USP10: variants seen among roughly 807,000 people sequenced by gnomAD.
The protein encoded by USP10 is ubiquitin carboxyl-terminal hydrolase 10.
A neutral mutation model predicts 84.5 loss-of-function variants in USP10; 22 were observed. The ratio of observed to expected loss-of-function variants is 0.26; its 90% confidence interval spans 0.19 to 0.37. The LOEUF (loss-of-function observed/expected upper bound fraction) is 0.37, where lower values mean the gene tolerates loss of function less well. Ranked by LOEUF, USP10 falls within the 10% of genes least tolerant of loss-of-function variation. The pLI is 1.00. For missense variants in USP10, 1,019 were observed against 998.9 expected (o/e 1.02, Z -0.27); for synonymous variants, 454 against 387.6 (o/e 1.17, Z -2.01).
At chr16:84,754,520 G>A (rs929831599) in intron 4 of USP10, among the ~76,000 whole-genome samples, 15 of 152,166 alleles carry the variant, frequency 9.9e-5, no homozygotes, top group Admixed American at 2.0e-4. Flanking sequence ...GGTTGTGCTC[G>A]TTCGCTTTTG....
chr16:84,770,193 G>T (rs1914283559), intron 11 of USP10, among the ~76,000 whole-genome samples: 2 of 152,204 alleles, frequency 1.3e-5, no homozygotes, highest in Admixed American at 1.3e-4. Context: ...GCCGTTCTGG[G>T]TGCGTGGTTG....
intron 10 of USP10, among the ~76,000 whole-genome samples, chr16:84,766,279 G>A (rs774225463): frequency 6.6e-6 from 1 of 152,252 alleles, no homozygotes; most frequent in Non-Finnish European, 1.5e-5. Flanking sequence ...TCACTTCTGT[G>A]TTCTGCACTG....
At chr16:84,725,201 C>G (rs1271311942) in intron 1 of USP10, among the ~76,000 whole-genome samples, 2 of 152,152 alleles carry the variant, frequency 1.3e-5, no homozygotes, top group Non-Finnish European at 2.9e-5. Flanking sequence ...CCCGCTCCCC[C>G]ATTCTCCTCT....
intron 11 of USP10, among the ~76,000 whole-genome samples, chr16:84,770,855 CAA>C (rs1914373173): frequency 6.6e-6 from 1 of 150,586 alleles, no homozygotes; most frequent in Admixed American, 6.6e-5. Flanking sequence ...ATCACAAAGT[CAA>C]GAGATCGAGA....
chr16:84,717,112 G>A (rs995966303), intron 1 of USP10, among the ~76,000 whole-genome samples: 1 of 152,152 alleles, frequency 6.6e-6, no homozygotes, highest in Admixed American at 6.5e-5. Context: ...CCTGTGCGCT[G>A]TCTGAGCTCC....
chr16:84,716,776 AAG>A (rs1248369839), intron 1 of USP10, among the ~76,000 whole-genome samples: 3 of 152,188 alleles, frequency 2.0e-5, no homozygotes, highest in Non-Finnish European at 4.4e-5. Context: ...TTGAAGAGTG[AAG>A]ATTCTACCTT....
chr16:84,757,402 G>GGTGTGTGT (rs58812391), intron 4 of USP10, among the ~76,000 whole-genome samples: 6 of 82,798 alleles, frequency 7.2e-5, no homozygotes, highest in South Asian at 5.7e-4. Context: ...GAGGGGTGGG[G>GGTGTGTGT]GTGTGTGTGT....
At chr16:84,706,806 C>A (rs889384295) in intron 1 of USP10, among the ~76,000 whole-genome samples, 28 of 152,250 alleles carry the variant, frequency 1.8e-4, no homozygotes, top group African/African-American at 6.7e-4. Context: ...TCCCAGAGTG[C>A]TGGGATTACA....
intron 2 of USP10, among the ~76,000 whole-genome samples, chr16:84,737,181 A>G (rs1312521176): frequency 6.6e-6 from 1 of 152,210 alleles, no homozygotes; most frequent in African/African-American, 2.4e-5. Context: ...GCCCAGAGGG[A>G]GACTTCAGAA....
rs61760199 is a variant in USP10 at position 84,759,422 on chromosome 16, G to A, written c.1344G>A (p.Leu448=). The part of the protein sequence containing the change: ...PMYHLMKFIP[L]YSKVQRPCTS... ...ACCACCTGATGAAGTTCATTCCTCTGTATTCCAAAGTGCAAAGGCCTTGTA... is the reference window on the plus strand; with the variant it reads ...ACCACCTGATGAAGTTCATTCCTCTATATTCCAAAGTGCAAAGGCCTTGTA... Residue 448 remains leucine, a synonymous_variant, in exon 6 of 14, where the codon CTG becomes CTA. Coordinates refer to ENST00000219473, the MANE Select transcript of USP10 (RefSeq NM_005153.3). 5,027 of 1,613,982 alleles carry A rather than the reference G, an allele frequency of 3.1e-3. 13 individuals carry two copies. The highest frequency in any genetic ancestry group is 8.4e-3 in the Middle Eastern group (51 of 6,062).
rs905866592 is a variant in USP10 at position 84,740,328 on chromosome 16, C to G, written c.110C>G (p.Thr37Arg). ...GTGCAGCTTCCTCCATACAGTGGAA[C>G]AGTTCTGTGTGGCACACAGGCTGTG... is the stretch of plus-strand genomic sequence containing the variant. ...SSVELPPYSG[T>R]VLCGTQAVDK... is the part of the protein sequence containing the mutation. The change falls in exon 3 of 14, where the codon ACA becomes AGA. Residue 37 changes from threonine to arginine, a missense_variant. By Grantham distance (71) the Thr-to-Arg change is moderately conservative. This residue lies in a region of USP10 where 787 missense variants were observed against 708.8 expected (regional missense o/e 1.11). Coordinates refer to ENST00000219473, the MANE Select transcript of USP10 (RefSeq NM_005153.3). 4 of 1,612,642 alleles carry G rather than the reference C, an allele frequency of 2.5e-6. No homozygotes were observed. The highest frequency in any genetic ancestry group is 3.4e-6 in the Non-Finnish European group (4 of 1,179,134).
intron 4 of USP10, among the ~76,000 whole-genome samples, chr16:84,753,205 C>G (rs906318212): frequency 2.0e-5 from 3 of 152,100 alleles, no homozygotes; most frequent in African/African-American, 4.8e-5. Flanking sequence ...GATCTTGGAA[C>G]TCCTGGACTC....
chr16:84,764,419 T>TC, intron 10 of USP10, among the ~76,000 whole-genome samples, 156 bp downstream of exon 10: 1 of 152,312 alleles, frequency 6.6e-6, no homozygotes, highest in South Asian at 2.1e-4. Flanking sequence ...TCCTGATGCT[T>TC]CCCTTGTCAG....
At chr16:84,772,182 G>C (rs78729263) in intron 11 of USP10, among the ~76,000 whole-genome samples, 15,897 of 152,088 alleles carry the variant, frequency 0.1, 1,021 homozygotes, top group East Asian at 0.25. Context: ...CACCCAGGTA[G>C]CTGGGGTTAC....
chr16:84,728,020 T>A (rs576130368), intron 1 of USP10, among the ~76,000 whole-genome samples: 2 of 152,334 alleles, frequency 1.3e-5, no homozygotes, highest in African/African-American at 4.8e-5. Flanking sequence ...TCTGGAAGTT[T>A]CCCACAGCCT....
intron 4 of USP10, among the ~76,000 whole-genome samples, chr16:84,751,672 T>G (rs757303760): frequency 1.3e-5 from 2 of 152,204 alleles, no homozygotes; most frequent in Non-Finnish European, 2.9e-5. Flanking sequence ...TAGTGTGTGT[T>G]CTTCCAAATT....
At chr16:84,740,012 A>AGCATT (rs1910438933) in intron 2 of USP10, among the ~76,000 whole-genome samples, 1 of 152,210 alleles carries the variant, frequency 6.6e-6, no homozygotes, top group Admixed American at 6.5e-5. Context: ...ATGTATCATA[A>AGCATT]GCATTTCATT....
chr16:84,776,644 G>A (rs1915051598), intron 13 of USP10, among the ~76,000 whole-genome samples: 2 of 152,118 alleles, frequency 1.3e-5, no homozygotes, highest in Non-Finnish European at 2.9e-5. Context: ...CTCTTCCCCT[G>A]GAGGCTCTTG....
At chr16:84,754,760 T>C (rs559410058) in intron 4 of USP10, among the ~76,000 whole-genome samples, 2 of 152,336 alleles carry the variant, frequency 1.3e-5, no homozygotes, top group East Asian at 3.9e-4. Context: ...GGTTTATAGT[T>C]GATTTATGTA....
Sources: allele counts gnomAD v4.1 joint callset (sites outside exome capture counted in the v4.1 genomes callset), GRCh38; gene constraint gnomAD v4.1.1; regional missense constraint gnomAD v4.1.1; transcripts MANE v1.5; gene names NCBI Gene and HGNC (gene_info 2026-07-23, HGNC 2026-07-21).